The following ACSBG1 variants were observed in gnomAD, a reference collection of about 807,000 sequenced individuals.
ACSBG1 encodes the protein acyl-CoA synthetase bubblegum family member 1.
In ACSBG1, 39 loss-of-function variants were observed where a neutral mutation model predicts 80.2. That is an observed-to-expected ratio of 0.49 (90% CI 0.38 to 0.64). The LOEUF (loss-of-function observed/expected upper bound fraction) is 0.64. ACSBG1 is among the 30% of genes least tolerant of loss of function. The pLI is 0.00. For synonymous variants in ACSBG1, 392 were observed against 379.5 expected, an observed-to-expected ratio of 1.03 and a Z score of -0.38; for missense variants, 828 against 966.4, an observed-to-expected ratio of 0.86 and a Z score of 1.90.
At chr15:78,173,483 G>T in intron 13 of ACSBG1, 110 bp downstream of exon 13, 3 of 1,470,162 alleles carry the variant, frequency 2.0e-6, no homozygotes, top group Non-Finnish European at 2.7e-6. Context: ...CCAGATTCCT[G>T]CCATGACCTT....
chr15:78,234,232 C>G (rs1265067563), intron 1 of ACSBG1, 139 bp downstream of exon 1: 10 of 1,263,256 alleles, frequency 7.9e-6, no homozygotes, highest in Admixed American at 2.1e-5. Context: ...TTACGGATCG[C>G]CCAGATCCTT....
intron 2 of ACSBG1, among the ~76,000 whole-genome samples, chr15:78,198,264 C>G (rs1357729378): frequency 6.6e-6 from 1 of 152,152 alleles, no homozygotes; most frequent in African/African-American, 2.4e-5. Context: ...TGGTCTCGAA[C>G]TCCTGGCCTC....
intron 1 of ACSBG1, among the ~76,000 whole-genome samples, chr15:78,224,544 C>T (rs1265411245): frequency 6.6e-6 from 1 of 151,850 alleles, no homozygotes; most frequent in African/African-American, 2.4e-5. Flanking sequence ...ACGGTGAAAC[C>T]CTGTCTCTAC....
At chr15:78,204,222 A>G (rs915174362) in intron 2 of ACSBG1, among the ~76,000 whole-genome samples, 3 of 151,492 alleles carry the variant, frequency 2.0e-5, no homozygotes, top group Non-Finnish European at 3.0e-5. Context: ...GATGTTCTCT[A>G]TACGCTTCTC....
chr15:78,190,214 G>A (rs1196418842), intron 5 of ACSBG1, among the ~76,000 whole-genome samples: 1 of 134,886 alleles, frequency 7.4e-6, no homozygotes, highest in Non-Finnish European at 1.6e-5. Context: ...TTTGAGATGA[G>A]CCTGGGCAAC....
At chr15:78,229,077 T>A (rs934110117) in intron 1 of ACSBG1, among the ~76,000 whole-genome samples, 2 of 75,130 alleles carry the variant, frequency 2.7e-5, no homozygotes, top group African/African-American at 4.9e-5. Flanking sequence ...ATATTCCCTT[T>A]TTTTTTTTTT....
intron 1 of ACSBG1, among the ~76,000 whole-genome samples, chr15:78,233,045 A>C (rs1037835317): frequency 6.6e-5 from 10 of 152,304 alleles, no homozygotes; most frequent in African/African-American, 2.4e-4. Flanking sequence ...CTGAGCCCAC[A>C]GACCCCAGGG....
intron 5 of ACSBG1, among the ~76,000 whole-genome samples, chr15:78,185,495 G>T (rs1298366852): frequency 6.8e-6 from 1 of 147,984 alleles, no homozygotes; most frequent in Non-Finnish European, 1.5e-5. Flanking sequence ...AGTTCAGAAA[G>T]AAAAAAAAAT....
In ACSBG1 at chr15:78,169,053, A is replaced by G; in HGVS notation, c.*2391T>C. 8.5e-7 allele frequency: 1 copy of G among 1,178,066 alleles called. No individual in the cohort carries two copies. The highest frequency in any genetic ancestry group is 1.3e-6 in the Non-Finnish European group (1 of 793,446). 73.0% of individuals were successfully genotyped at this position (1,178,066 alleles called of 1,614,324 possible). ...ATCAGTCACTCTAAATGGACACCAC[A>G]TGAACCTCTGTTTAGAATACCTACG... On this transcript the variant is annotated 3_prime_UTR_variant, in exon 14 of 14. Coordinates refer to ENST00000258873, the MANE Select transcript of ACSBG1 (RefSeq NM_015162.5).
rs1179061409 is a variant in ACSBG1, at chr15:78,178,841, G to C, written c.1485-10C>G. ...CACCAACTTGCCTGAGCTGGCGAGGGAGGGGCCGGGAGACTGGTCAGAGGG... is the reference window on the plus strand; with the variant it reads ...CACCAACTTGCCTGAGCTGGCGAGGCAGGGGCCGGGAGACTGGTCAGAGGG... On this transcript the variant is annotated splice_polypyrimidine_tract_variant and intron_variant, in intron 10 of 13. Coordinates refer to ENST00000258873, the MANE Select transcript of ACSBG1 (RefSeq NM_015162.5). This position sits in a 1 kb window ranked among gnomAD's most constrained non-coding sequence, Gnocchi z 4.3. 6.3e-7 allele frequency: 1 copy of C among 1,597,432 alleles called. No individual in the cohort carries two copies. The highest frequency in any genetic ancestry group is 8.5e-7 in the Non-Finnish European group (1 of 1,174,624).
At chr15:78,203,376 A>G (rs2075185470) in intron 2 of ACSBG1, among the ~76,000 whole-genome samples, 1 of 152,246 alleles carries the variant, frequency 6.6e-6, no homozygotes, top group South Asian at 2.1e-4. Flanking sequence ...CTAGATCTAC[A>G]GCGCAGTGGA....
At chr15:78,203,168 C>A (rs960454232) in intron 2 of ACSBG1, among the ~76,000 whole-genome samples, 47 of 152,302 alleles carry the variant, frequency 3.1e-4, no homozygotes, top group African/African-American at 1.1e-3. Context: ...CCTTTGTGCT[C>A]CACCAACAGG....
intron 5 of ACSBG1, among the ~76,000 whole-genome samples, chr15:78,192,872 A>T (rs2075068752): frequency 6.6e-6 from 1 of 152,172 alleles, no homozygotes; most frequent in Non-Finnish European, 1.5e-5. Context: ...AATGCCTTAA[A>T]GGCTGTTGGG....
At position 78,178,409 on chromosome 15, in the gene ACSBG1, G is replaced by A. The variant is rs757750719; in HGVS notation, c.1702+205C>T. ...TGCCTCCCGGGTTCAAGTAATTCTC[G>A]TGCCTCAGCCTCCCGAATAGCTGGG... On this transcript the variant is annotated intron_variant, in intron 11 of 13. Transcript: ENST00000258873. The surrounding 1 kb of genome is among the most constrained non-coding windows in gnomAD (Gnocchi z 4.3). Among the ~76,000 whole-genome samples the A allele has an allele frequency of 1.3e-4, 20 of 151,990 alleles. No individual in the cohort carries two copies. Among genetic ancestry groups the A allele is most frequent in the Non-Finnish European group, 1.3e-4 (9 of 67,970 alleles).
intron 1 of ACSBG1, among the ~76,000 whole-genome samples, chr15:78,215,118 A>C (rs1029874993): frequency 6.6e-6 from 1 of 151,804 alleles, no homozygotes; most frequent in Non-Finnish European, 1.5e-5. Context: ...AGCCCATGCT[A>C]TATTAACGAC....
chr15:78,168,015 G>C lies in ACSBG1; in HGVS notation c.*3429C>G, dbSNP rs1181076800. 6.6e-6 allele frequency: 1 copy of C among 152,094 alleles called. No homozygotes were observed. Among genetic ancestry groups the C allele is most frequent in the East Asian group, 1.9e-4 (1 of 5,200 alleles). The allele number at this position is 152,094 out of a possible 1,614,324, so 9.4% of individuals were successfully genotyped here. On this transcript the variant is annotated 3_prime_UTR_variant, in exon 14 of 14. Transcript: ENST00000258873. ...ACATAGTGGGCCCTTTTATTGTGTA[G>C]GATGGAAAGATAAAGAGAATTAAAT... is the stretch of plus-strand genomic sequence containing the variant.
chr15:78,180,827 C>A lies in ACSBG1; in HGVS notation c.1181G>T (p.Gly394Val). 9.9e-6 allele frequency: 16 copies of A among 1,614,234 alleles called. No individual in the cohort carries two copies. The highest frequency in any genetic ancestry group is 1.4e-5 in the Non-Finnish European group (16 of 1,180,042). ...CAGCAGCATCTTTCGCCGGATGAAG[C>A]CAGACTGAGCCGCCACCTCCTGGAT... ...ERIQEVAAQS[G>V]FIRRKMLLWA... is the part of the protein sequence containing the mutation. Residue 394 changes from glycine to valine, a missense_variant, in exon 9 of 14, where the codon GGC (glycine) becomes GTC (valine). Gly to Val is a moderately radical substitution (Grantham distance 109). Coordinates refer to ENST00000258873, the MANE Select transcript of ACSBG1 (RefSeq NM_015162.5).
chr15:78,212,733 C>A, intron 1 of ACSBG1: 1 of 378,374 alleles, frequency 2.6e-6, no homozygotes, highest in Non-Finnish European at 5.4e-6. Flanking sequence ...CGCCCTGCAA[C>A]AGAGATACAG....
chr15:78,227,838 A>G (rs1401368536), intron 1 of ACSBG1, among the ~76,000 whole-genome samples: 1 of 152,256 alleles, frequency 6.6e-6, no homozygotes, highest in Non-Finnish European at 1.5e-5. Context: ...ACTTGGCAAT[A>G]CTGATCAATC....
Sources: gnomAD v4.1 joint callset for allele counts (sites outside exome capture counted in the v4.1 genomes callset) on GRCh38, gnomAD v4.1.1 for gene constraint, Gnocchi (gnomAD v3.1) non-coding constraint, MANE v1.5 for transcripts, NCBI Gene and HGNC (gene_info 2026-07-23, HGNC 2026-07-21) for gene names.